OPCML: variants seen among roughly 807,000 people sequenced by gnomAD.
OPCML encodes opioid-binding protein/cell adhesion molecule.
A neutral mutation model predicts 37.8 loss-of-function variants in OPCML; 13 were observed. The observed-to-expected ratio is 0.34, with a 90% confidence interval of 0.22 to 0.55. The LOEUF (loss-of-function observed/expected upper bound fraction) is 0.55. OPCML is among the 20% of genes least tolerant of loss of function. The pLI is 0.91. For synonymous variants in OPCML, 176 were observed against 168.8 expected, an observed-to-expected ratio of 1.04 and a Z score of -0.33; for missense variants, 341 against 435.6, an observed-to-expected ratio of 0.78 and a Z score of 1.93.
chr11:132,566,304 G>A (rs2096423015), intron 3 of OPCML, among the ~76,000 whole-genome samples: 1 of 152,186 alleles, frequency 6.6e-6, no homozygotes. Context: ...ATCTAATGCA[G>A]GGCTTGAAGT....
chr11:133,140,737 G>A (rs1446601964), intron 1 of OPCML, among the ~76,000 whole-genome samples: 5 of 142,026 alleles, frequency 3.5e-5, no homozygotes, highest in African/African-American at 1.3e-4. Flanking sequence ...CGACGACGAC[G>A]ACGACGACGA....
intron 1 of OPCML, among the ~76,000 whole-genome samples, chr11:133,140,889 C>CGAAGAAGACGAAGACGAA (rs869149648): frequency 3.4e-4 from 3 of 8,786 alleles, no homozygotes; most frequent in African/African-American, 5.1e-4. Flanking sequence ...ACGACGACGA[C>CGAAGAAGACGAAGACGAA]GACGAAGACG....
intron 1 of OPCML, among the ~76,000 whole-genome samples, chr11:133,270,771 G>A (rs1225703888): frequency 3.9e-5 from 6 of 152,032 alleles, no homozygotes; most frequent in African/African-American, 1.2e-4. Context: ...ACATGCTTGC[G>A]ACACGTGTGA....
At chr11:132,492,715 T>C (rs1381879208) in intron 4 of OPCML, among the ~76,000 whole-genome samples, 1 of 152,128 alleles carries the variant, frequency 6.6e-6, no homozygotes, top group Non-Finnish European at 1.5e-5. Flanking sequence ...AGCAAATCAA[T>C]AGCGTTTAAA....
intron 2 of OPCML, among the ~76,000 whole-genome samples, chr11:132,804,192 T>A (rs1342662523): frequency 6.6e-6 from 1 of 152,072 alleles, no homozygotes; most frequent in African/African-American, 2.4e-5. Context: ...TTGCAGGAAG[T>A]CAGAGTCAAA....
At chr11:133,289,035 C>G (rs1293779113) in intron 1 of OPCML, among the ~76,000 whole-genome samples, 3 of 152,054 alleles carry the variant, frequency 2.0e-5, no homozygotes, top group Non-Finnish European at 4.4e-5. Context: ...ACTGAGGGCC[C>G]TGGGACATGG....
chr11:133,080,002 A>C (rs542712400), intron 1 of OPCML, among the ~76,000 whole-genome samples: 1 of 152,236 alleles, frequency 6.6e-6, no homozygotes, highest in African/African-American at 2.4e-5. Context: ...AATTCAACAT[A>C]AGGAGGAGCA....
At chr11:133,437,019 C>G (rs1946248130) in intron 1 of OPCML, among the ~76,000 whole-genome samples, 2 of 152,268 alleles carry the variant, frequency 1.3e-5, no homozygotes, top group African/African-American at 4.8e-5. Flanking sequence ...CAGCCATCAC[C>G]CTTATGAACC....
At chr11:132,709,769 G>A (rs78932940) in intron 2 of OPCML, among the ~76,000 whole-genome samples, 1,952 of 152,260 alleles carry the variant, frequency 0.013, 20 homozygotes, top group South Asian at 0.046. Context: ...CAGGAGAGAG[G>A]GGCACCAAGG....
chr11:132,420,121 G>A lies in OPCML; in HGVS notation c.*72C>T, dbSNP rs2095952622. On this transcript the variant is annotated 3_prime_UTR_variant, in exon 8 of 8. Coordinates refer to ENST00000524381, the MANE Select transcript of OPCML (RefSeq NM_001012393.5). ...AACAAAAAGAAGCCCAAGCTGGTTTGCTCTCCGCAGTGTAGATTAAAGTCT... is the reference window on the plus strand; with the variant it reads ...AACAAAAAGAAGCCCAAGCTGGTTTACTCTCCGCAGTGTAGATTAAAGTCT... The A allele has an allele frequency of 8.1e-7, 1 of 1,240,798 alleles. No individual in the cohort carries two copies. Among genetic ancestry groups the A allele is most frequent in the African/African-American group, 1.5e-5 (1 of 65,140 alleles). The allele number at this position is 1,240,798 out of a possible 1,614,324, so 76.9% of individuals were successfully genotyped here.
chr11:133,352,630 C>T lies in OPCML; in HGVS notation c.61+179634G>A, dbSNP rs1944168176. Among the ~76,000 whole-genome samples the T allele has an allele frequency of 2.0e-5, 3 of 152,154 alleles. No individual in the cohort carries two copies. The South Asian group carries it at 6.2e-4, about 31-fold the overall frequency. ...GGACTTAACTCTTTTATTGCTATATCCTTGTACTTACTACAGCGTATGGTG... is the reference window on the plus strand; with the variant it reads ...GGACTTAACTCTTTTATTGCTATATTCTTGTACTTACTACAGCGTATGGTG... On this transcript the variant is annotated intron_variant, in intron 1 of 7. Coordinates refer to ENST00000524381, the MANE Select transcript of OPCML (RefSeq NM_001012393.5).
At chr11:133,111,922 T>C (rs1291874316) in intron 1 of OPCML, among the ~76,000 whole-genome samples, 1 of 152,200 alleles carries the variant, frequency 6.6e-6, no homozygotes, top group Non-Finnish European at 1.5e-5. Context: ...TCTGTGACTA[T>C]TTTTCATCAG....
intron 4 of OPCML, among the ~76,000 whole-genome samples, chr11:132,477,822 ATTT>A (rs919876044): frequency 2.4e-4 from 36 of 152,110 alleles, no homozygotes; most frequent in African/African-American, 8.4e-4. Context: ...CTGTCTACTT[ATTT>A]TTTATTTTCA....
In OPCML at chr11:132,516,083, A is replaced by G. The variant is rs910704795; in HGVS notation, c.505+12978T>C. ...GTCTCCAGTAAAAAAAAGTGATTGG[A>G]CACGAATTGAAAAATATCTTCCAGA... On this transcript the variant is annotated intron_variant, in intron 4 of 7. Coordinates refer to ENST00000524381, the MANE Select transcript of OPCML (RefSeq NM_001012393.5). Among the ~76,000 whole-genome samples the G allele has an allele frequency of 2.6e-5, 4 of 152,214 alleles. No individual in the cohort carries two copies. The South Asian group carries it at 6.2e-4, about 24-fold the overall frequency.
intron 2 of OPCML, among the ~76,000 whole-genome samples, chr11:132,729,771 G>A (rs1313781853): frequency 6.6e-6 from 1 of 152,174 alleles, no homozygotes; most frequent in Non-Finnish European, 1.5e-5. Context: ...GACCGCCTTT[G>A]TTGGTTGATG....
At chr11:132,644,935 T>A (rs952035801) in intron 3 of OPCML, among the ~76,000 whole-genome samples, 12 of 152,212 alleles carry the variant, frequency 7.9e-5, no homozygotes, top group Non-Finnish European at 1.6e-4. Flanking sequence ...AACTTTTAGT[T>A]TGCAAAATAC....
At chr11:132,883,106 G>C (rs949594712) in intron 2 of OPCML, among the ~76,000 whole-genome samples, 2 of 152,002 alleles carry the variant, frequency 1.3e-5, no homozygotes, top group Admixed American at 1.3e-4. Flanking sequence ...AGGTACTCCC[G>C]GAAGGAAGAA....
intron 2 of OPCML, among the ~76,000 whole-genome samples, chr11:132,674,285 G>GT (rs1185398164): frequency 6.6e-6 from 1 of 152,170 alleles, no homozygotes; most frequent in Non-Finnish European, 1.5e-5. Flanking sequence ...CAGCTTTGCT[G>GT]TGGGTGGAAG....
chr11:133,276,702 T>C (rs1016420872), intron 1 of OPCML, among the ~76,000 whole-genome samples: 5 of 152,212 alleles, frequency 3.3e-5, no homozygotes, highest in Non-Finnish European at 5.9e-5. Context: ...CTGGAGTATC[T>C]GAAACTGTTG....
Sources: gnomAD v4.1 joint callset for allele counts (sites outside exome capture counted in the v4.1 genomes callset) on GRCh38, gnomAD v4.1.1 for gene constraint, MANE v1.5 for transcripts, NCBI Gene and HGNC (gene_info 2026-07-23, HGNC 2026-07-21) for gene names.